The following C1QTNF2 variants were observed in gnomAD, a reference collection of about 807,000 sequenced individuals.
The protein encoded by C1QTNF2 is C1q and TNF related 2.
C1QTNF2 carries 15 observed loss-of-function variants against 17.4 expected under a neutral mutation model. That is an observed-to-expected ratio of 0.86 (90% CI 0.58 to 1.33). C1QTNF2 has a LOEUF of 1.33. C1QTNF2 is among the 40% of genes most tolerant of loss of function. The pLI is 0.00. For missense variants in C1QTNF2, 381 were observed against 392.3 expected (o/e 0.97, Z 0.24); for synonymous variants, 154 against 163.3 (o/e 0.94, Z 0.44).
rs531045109 is a variant in C1QTNF2 at position 160,360,607 on chromosome 5, A to G, written c.-9-5587T>C. ...AGAGAGCTGTCCAATTAACCAGAAG[A>G]GAGGTAAGTATTAGTCCTTTCTCAC... On this transcript the variant is annotated intron_variant, in intron 1 of 2. Transcript: ENST00000652664. Among the ~76,000 whole-genome samples the G allele has an allele frequency of 1.2e-4, 19 of 152,236 alleles. No individual in the cohort carries two copies. The East Asian group carries it at 3.5e-3, about 28-fold the overall frequency.
At position 160,354,822 on chromosome 5, in the gene C1QTNF2, C is replaced by T; in HGVS notation, c.190G>A (p.Gly64Ser). 1.2e-6 allele frequency: 2 copies of T among 1,613,604 alleles called. No individual in the cohort carries two copies. Among genetic ancestry groups the T allele is most frequent in the Non-Finnish European group, 1.7e-6 (2 of 1,179,930 alleles). The change falls in exon 2 of 3, where the codon GGC becomes AGC. Residue 64 changes from glycine (G) to serine (S), a missense_variant. Transcript: ENST00000652664. ...TCGTGTCCATCTTGGCCGTCTTTGC[C>T]AGGAAAGCCCATTCGTCCCATCATT... The part of the protein sequence containing the change: ...SGMMGRMGFP[G>S]KDGQDGHDGD...
At position 160,349,077 on chromosome 5, in the gene C1QTNF2, C is replaced by T. The variant is rs1353666972; in HGVS notation, c.*91G>A. 8 of 1,484,600 alleles carry T rather than the reference C, an allele frequency of 5.4e-6. No homozygotes were observed. Among genetic ancestry groups the T allele is most frequent in the South Asian group, 1.3e-5 (1 of 74,082 alleles). The allele number at this position is 1,484,600 out of a possible 1,614,324, so 92.0% of individuals were successfully genotyped here. A position where few individuals can be genotyped will look rare whatever the true frequency, so the allele number is the denominator to read the frequency against. ...CCTGAGGCTAGAACCGCTCACTCGA[C>T]CCCCCACCCCCAGCCTACAGTTGTG... On this transcript the variant is annotated 3_prime_UTR_variant, in exon 3 of 3. Transcript: ENST00000652664. The surrounding 1 kb of genome is among the most constrained non-coding windows in gnomAD (Gnocchi z 4.3).
chr5:160,350,951 C>G (rs916028208), intron 2 of C1QTNF2, among the ~76,000 whole-genome samples: 2 of 152,088 alleles, frequency 1.3e-5, no homozygotes, highest in African/African-American at 4.8e-5. Flanking sequence ...GGGGTTTCAC[C>G]GTGTTAGCCA....
At position 160,354,983 on chromosome 5, in the gene C1QTNF2, G is replaced by A; in HGVS notation, c.29C>T (p.Ala10Val). 1 of 1,588,050 alleles carries A rather than the reference G, an allele frequency of 6.3e-7. No homozygotes were observed. The highest frequency in any genetic ancestry group is 8.6e-7 in the Non-Finnish European group (1 of 1,168,232). Residue 10 changes from alanine to valine, a missense_variant, in exon 2 of 3, where the codon GCC (alanine) becomes GTC (valine). Transcript: ENST00000652664. ...CAGTGGGTCAGCAGCACAGGGGAGG[G>A]CACAGGCCAGGAGCACCCAGGGGAT... MIPWVLLAC[A>V]LPCAADPLLG...
At chr5:160,361,451 A>G (rs1764152517) in intron 1 of C1QTNF2, among the ~76,000 whole-genome samples, 1 of 152,204 alleles carries the variant, frequency 6.6e-6, no homozygotes. Flanking sequence ...TGCAGATTGG[A>G]AGATGTAAAT....
intron 1 of C1QTNF2, 43 bp downstream of exon 1, chr5:160,370,469 G>T: frequency 7.2e-7 from 1 of 1,388,422 alleles, no homozygotes; most frequent in Non-Finnish European, 9.3e-7. Flanking sequence ...TCCTCCCCGC[G>T]CGCACTTGCC....
intron 1 of C1QTNF2, among the ~76,000 whole-genome samples, chr5:160,357,438 A>T (rs919372172): frequency 6.6e-6 from 1 of 152,222 alleles, no homozygotes; most frequent in East Asian, 1.9e-4. Context: ...TACGGCAAAC[A>T]TCATGGAAAT....
chr5:160,353,635 C>T (rs757979330), intron 2 of C1QTNF2, among the ~76,000 whole-genome samples: 25 of 152,012 alleles, frequency 1.6e-4, no homozygotes, highest in Non-Finnish European at 2.8e-4. Context: ...TGGATGAAGC[C>T]AGGAAGATGT....
chr5:160,354,629 T>TATATATATATAC (rs1554127199), intron 2 of C1QTNF2, 139 bp downstream of exon 2: 7 of 336,162 alleles, frequency 2.1e-5, no homozygotes, highest in African/African-American at 1.5e-4. Context: ...TATATATATA[T>TATATATATATAC]ATATAGATTT....
chr5:160,355,614 A>C (rs1764033475), intron 1 of C1QTNF2, among the ~76,000 whole-genome samples: 1 of 152,150 alleles, frequency 6.6e-6, no homozygotes, highest in Non-Finnish European at 1.5e-5. Flanking sequence ...CTTTCCATTC[A>C]TTACTTGATC....
chr5:160,349,033 AAG>A lies in C1QTNF2; in HGVS notation c.*133_*134del, dbSNP rs1561819887. 9.4e-7 allele frequency: 1 copy of A among 1,067,216 alleles called. No homozygotes were observed. The allele number at this position is 1,067,216 out of a possible 1,614,324, so 66.1% of individuals were successfully genotyped here. A position where few individuals can be genotyped will look rare whatever the true frequency, so the allele number is the denominator to read the frequency against. On this transcript the variant is annotated 3_prime_UTR_variant, in exon 3 of 3. Transcript: ENST00000652664. The surrounding 1 kb of genome is among the most constrained non-coding windows in gnomAD (Gnocchi z 4.3). ...GTTTGGATTTAATGAAGGGGAAAAA[AAG>A]AGGCAGAGGAGGTGAGCCTGAGGCT...
intron 2 of C1QTNF2, among the ~76,000 whole-genome samples, 171 bp downstream of exon 2, chr5:160,354,597 A>AAAATATATATATATATAT (rs769774870): frequency 1.1e-5 from 1 of 89,306 alleles, no homozygotes; most frequent in African/African-American, 4.8e-5. Context: ...AAAAAAAAAA[A>AAAATATATATATATATAT]GTATATATAT....
chr5:160,360,173 A>G (rs1764127656), intron 1 of C1QTNF2, among the ~76,000 whole-genome samples: 1 of 152,142 alleles, frequency 6.6e-6, no homozygotes, highest in South Asian at 2.1e-4. Flanking sequence ...CAGCACTTGA[A>G]ACCACTCACC....
chr5:160,358,410 G>A (rs72814353), intron 1 of C1QTNF2, among the ~76,000 whole-genome samples: 6,152 of 152,270 alleles, frequency 0.04, 268 homozygotes, highest in East Asian at 0.19. Flanking sequence ...GTGCTTAGAG[G>A]GGCACTAAAG....
At position 160,348,925 on chromosome 5, in the gene C1QTNF2, C is replaced by G. The variant is rs939723156; in HGVS notation, c.*243G>C. On this transcript the variant is annotated 3_prime_UTR_variant, in exon 3 of 3. Transcript: ENST00000652664. The stretch of plus-strand genomic sequence containing the variant: ...TACTCTGTCTTGTCCACTGCTGCAT[C>G]TTTCAGAGAATAGCATAGTGCCTGT... 1.0e-5 allele frequency: 5 copies of G among 484,766 alleles called. No homozygotes were observed. The Admixed American group carries it at 1.1e-4, about 11-fold the overall frequency. The allele number at this position is 484,766 out of a possible 1,614,324, so 30.0% of individuals were successfully genotyped here. A position where few individuals can be genotyped will look rare whatever the true frequency, so the allele number is the denominator to read the frequency against.
In C1QTNF2 at chr5:160,354,994, G is replaced by A. The variant is rs377762554; in HGVS notation, c.18C>T (p.Leu6=). The A allele has an allele frequency of 1.8e-5, 28 of 1,580,304 alleles. No homozygotes were observed. In the African/African-American group the frequency reaches 3.4e-4, roughly 19 times the overall value. Reference sequence around the variant, plus strand: ...CAGCACAGGGGAGGGCACAGGCCAGGAGCACCCAGGGGATCATGGTGGTTA... The same window carrying A: ...CAGCACAGGGGAGGGCACAGGCCAGAAGCACCCAGGGGATCATGGTGGTTA... MIPWV[L]LACALPCAAD... The change falls in exon 2 of 3, where the codon CTC becomes CTT. Residue 6 remains leucine (L), a synonymous_variant. Transcript: ENST00000652664.
rs775432647 is a variant in C1QTNF2, at chr5:160,354,783, C to T, written c.229G>A (p.Asp77Asn). The change falls in exon 2 of 3, where the codon GAC (aspartate) becomes AAC (asparagine). Residue 77 changes from aspartate (D) to asparagine (N), a missense_variant. Transcript: ENST00000652664. ...GQDGHDGDRG[D>N]SGEEGPPGRT... ...GGCCTCTTACCTTCCTCTCCGCTGT[C>T]CCCCCGGTCGCCGTCGTGTCCATCT... 30 of 1,613,360 alleles carry T rather than the reference C, an allele frequency of 1.9e-5. No individual in the cohort carries two copies. The highest frequency in any genetic ancestry group is 1.9e-5 in the Non-Finnish European group (23 of 1,179,870).
Position 160,354,763 on chromosome 5 carries a change from C to G in C1QTNF2, c.244+5G>C. The G allele has an allele frequency of 6.2e-7, 1 of 1,613,710 alleles. No homozygotes were observed. The highest frequency in any genetic ancestry group is 8.5e-7 in the Non-Finnish European group (1 of 1,179,942). ...GAACGAGAGTGGCACGTATAGGCCT[C>G]TTACCTTCCTCTCCGCTGTCCCCCC... On this transcript the variant is annotated splice_donor_5th_base_variant and intron_variant, in intron 2 of 2. Coordinates refer to ENST00000652664, the MANE Select transcript of C1QTNF2 (RefSeq NM_031908.6).
intron 1 of C1QTNF2, 178 bp from the exon 2 acceptor site, chr5:160,355,198 G>A (rs1320619732): frequency 1.0e-5 from 10 of 983,552 alleles, no homozygotes; most frequent in Non-Finnish European, 1.2e-5. Flanking sequence ...CATATCTTGA[G>A]GACATATTTG....
Sources: gnomAD v4.1 joint callset for allele counts (sites outside exome capture counted in the v4.1 genomes callset) on GRCh38, gnomAD v4.1.1 for gene constraint, Gnocchi (gnomAD v3.1) non-coding constraint, MANE v1.5 for transcripts, NCBI Gene and HGNC (gene_info 2026-07-23, HGNC 2026-07-21) for gene names.